The following PRKCA variants were observed in gnomAD, a reference collection of about 807,000 sequenced individuals.
PRKCA encodes protein kinase C alpha, also known as protein kinase C alpha type.
Under a neutral mutation model 87.0 loss-of-function variants are expected in PRKCA, and 27 were observed. The ratio of observed to expected loss-of-function variants is 0.31; its 90% CI spans 0.23 to 0.43. PRKCA has a LOEUF of 0.43. PRKCA is among the 20% of genes least tolerant of loss of function. The pLI, the probability that PRKCA is intolerant of heterozygous loss-of-function variation, is 1.00. For missense variants in PRKCA, 518 were observed against 852.3 expected (o/e 0.61, Z 4.88); for synonymous variants, 329 against 311.1 (o/e 1.06, Z -0.61).
chr17:66,551,961 A>G (rs778021763), intron 3 of PRKCA, among the ~76,000 whole-genome samples: 1 of 152,194 alleles, frequency 6.6e-6, no homozygotes, highest in East Asian at 1.9e-4. Context: ...GCCAAATACT[A>G]TAGATTTATT....
chr17:66,438,941 T>G (rs868839421), intron 2 of PRKCA, among the ~76,000 whole-genome samples: 2 of 152,180 alleles, frequency 1.3e-5, no homozygotes, highest in African/African-American at 4.8e-5. Context: ...GAAATTTGGG[T>G]GGGGACACAG....
intron 3 of PRKCA, among the ~76,000 whole-genome samples, chr17:66,552,656 A>G (rs1342042955): frequency 2.6e-5 from 4 of 152,198 alleles, no homozygotes; most frequent in Admixed American, 2.0e-4. Flanking sequence ...CTGTCAGGAG[A>G]GAACTACCAG....
At chr17:66,359,128 A>G (rs1235220323) in intron 2 of PRKCA, among the ~76,000 whole-genome samples, 1 of 152,136 alleles carries the variant, frequency 6.6e-6, no homozygotes, top group Non-Finnish European at 1.5e-5. Flanking sequence ...TTATTTTTCT[A>G]TCAATTTGTG....
At chr17:66,408,047 A>C (rs995434332) in intron 2 of PRKCA, among the ~76,000 whole-genome samples, 2 of 152,210 alleles carry the variant, frequency 1.3e-5, no homozygotes, top group African/African-American at 4.8e-5. Context: ...GGTTATGCTC[A>C]ATTACGTATT....
At chr17:66,526,959 A>G (rs1320468129) in intron 3 of PRKCA, among the ~76,000 whole-genome samples, 1 of 152,130 alleles carries the variant, frequency 6.6e-6, no homozygotes, top group Non-Finnish European at 1.5e-5. Flanking sequence ...ACTATAGCTT[A>G]TTGGGCCACA....
At position 66,616,013 on chromosome 17, in the gene PRKCA, G is replaced by A. The variant is rs117153731; in HGVS notation, c.289-25342G>A. ...GCTCAATGCCTTGCTCAGCCATTTCGCCAAGTGAGGTTTTATGCAATGTTA... is the reference window on the plus strand; with the variant it reads ...GCTCAATGCCTTGCTCAGCCATTTCACCAAGTGAGGTTTTATGCAATGTTA... On this transcript the variant is annotated intron_variant, in intron 3 of 16. Transcript: ENST00000413366. Among the ~76,000 whole-genome samples, 15 of 152,202 alleles carry A rather than the reference G, an allele frequency of 9.9e-5. No homozygotes were observed. In the East Asian group the frequency reaches 2.3e-3, roughly 24 times the overall value.
chr17:66,772,388 G>C (rs1974952506), intron 13 of PRKCA, among the ~76,000 whole-genome samples: 1 of 151,986 alleles, frequency 6.6e-6, no homozygotes, highest in South Asian at 2.1e-4. Flanking sequence ...TGGTGCTTGT[G>C]TTTCTCATCC....
intron 13 of PRKCA, among the ~76,000 whole-genome samples, chr17:66,768,676 C>T (rs1313989801): frequency 1.3e-5 from 2 of 152,130 alleles, no homozygotes; most frequent in Non-Finnish European, 2.9e-5. Flanking sequence ...AGGCGGGAAG[C>T]GCCAAACACT....
intron 2 of PRKCA, among the ~76,000 whole-genome samples, chr17:66,471,029 T>A (rs966923472): frequency 9.9e-5 from 15 of 152,056 alleles, no homozygotes; most frequent in East Asian, 1.9e-4. Context: ...GTTTTTTTTT[T>A]AATTGTACTT....
At chr17:66,532,035 C>T (rs1967560223) in intron 3 of PRKCA, among the ~76,000 whole-genome samples, 2 of 152,100 alleles carry the variant, frequency 1.3e-5, no homozygotes, top group Non-Finnish European at 2.9e-5. Flanking sequence ...CCTTTGCTGA[C>T]AGAGCACCAT....
chr17:66,337,280 C>T (rs560845529), intron 2 of PRKCA, among the ~76,000 whole-genome samples: 2 of 152,248 alleles, frequency 1.3e-5, no homozygotes, highest in African/African-American at 4.8e-5. Context: ...GTTGGTGATC[C>T]GCTAAGGACA....
At chr17:66,590,574 C>T (rs1042651338) in intron 3 of PRKCA, among the ~76,000 whole-genome samples, 5 of 152,238 alleles carry the variant, frequency 3.3e-5, no homozygotes, top group East Asian at 1.9e-4. Context: ...CTGGTCTGGA[C>T]GTAGTGGCTC....
Position 66,738,801 on chromosome 17 carries a change from G to T in PRKCA, c.1268G>T (p.Gly423Val). The T allele has an allele frequency of 6.2e-7, 1 of 1,613,558 alleles. No individual in the cohort carries two copies. Among genetic ancestry groups the T allele is most frequent in the Non-Finnish European group, 8.5e-7 (1 of 1,179,844 alleles). Residue 423 changes from glycine (G) to valine (V), a missense_variant, in exon 11 of 17, where the codon GGG becomes GTG. By Grantham distance (109) the Gly-to-Val change is moderately radical. Around this residue, in one of 5 missense-constraint regions of PRKCA, gnomAD observed 300 missense variants for 496.8 expected, o/e 0.60. Coordinates refer to ENST00000413366, the MANE Select transcript of PRKCA (RefSeq NM_002737.3). ...LYFVMEYVNG[G>V]DLMYHIQQVG... ...TTCGTCATGGAATATGTCAACGGTG[G>T]GGACCTCATGTACCACATTCAGCAA...
At chr17:66,470,393 T>TA (rs11410262) in intron 2 of PRKCA, among the ~76,000 whole-genome samples, 70,056 of 148,098 alleles carry the variant, frequency 0.47, 17,673 homozygotes, top group African/African-American at 0.65. Flanking sequence ...CATGCCCGTC[T>TA]ATTTTTGTAT....
At chr17:66,671,709 C>T (rs1237737196) in intron 5 of PRKCA, among the ~76,000 whole-genome samples, 1 of 152,122 alleles carries the variant, frequency 6.6e-6, no homozygotes, top group Non-Finnish European at 1.5e-5. Flanking sequence ...GTAGAATTGC[C>T]CCAAGTCAGG....
intron 3 of PRKCA, among the ~76,000 whole-genome samples, chr17:66,587,014 T>G (rs7350900): frequency 0.22 from 33,431 of 152,050 alleles, 3,845 homozygotes; most frequent in South Asian, 0.33. Flanking sequence ...ATGAATGGTC[T>G]CTGTGAGTCC....
chr17:66,754,348 C>A (rs1322814814), intron 13 of PRKCA, among the ~76,000 whole-genome samples: 1 of 152,070 alleles, frequency 6.6e-6, no homozygotes, highest in African/African-American at 2.4e-5. Context: ...CCATTCACAG[C>A]TCCTTCTTAC....
intron 1 of PRKCA, among the ~76,000 whole-genome samples, chr17:66,304,504 G>A (rs1408263690): frequency 6.6e-6 from 1 of 150,960 alleles, no homozygotes; most frequent in Non-Finnish European, 1.5e-5. Flanking sequence ...TTCTAGGCCA[G>A]GGGGAGCTGC....
intron 5 of PRKCA, among the ~76,000 whole-genome samples, chr17:66,652,939 A>T (rs540547535): frequency 1.3e-5 from 2 of 152,282 alleles, no homozygotes; most frequent in South Asian, 4.1e-4. Flanking sequence ...CCTCAACCCA[A>T]CGCTGTGTTT....
Sources: allele counts gnomAD v4.1 joint callset (sites outside exome capture counted in the v4.1 genomes callset), GRCh38; gene constraint gnomAD v4.1.1; regional missense constraint gnomAD v4.1.1; transcripts MANE v1.5; gene names NCBI Gene and HGNC (gene_info 2026-07-23, HGNC 2026-07-21).